SKIL: variants seen among roughly 807,000 people sequenced by gnomAD.
SKIL encodes the protein ski-like protein.
In SKIL, 20 loss-of-function variants were observed where a neutral mutation model predicts 69.6. The ratio of observed to expected loss-of-function variants is 0.29; its 90% CI spans 0.20 to 0.42. The LOEUF is 0.42. Among genes scored for constraint, SKIL ranks in the 10% least tolerant of loss-of-function variants. The pLI is 1.00. For synonymous variants in SKIL, 310 were observed against 279.9 expected (o/e 1.11, Z -1.08); for missense variants, 745 against 783.1 (o/e 0.95, Z 0.58).
At chr3:170,365,793 G>A (rs1019727872) in intron 2 of SKIL, among the ~76,000 whole-genome samples, 5 of 118,370 alleles carry the variant, frequency 4.2e-5, no homozygotes, top group Admixed American at 1.1e-4. Flanking sequence ...TTTCGCTCTT[G>A]CGCCCAGGCT....
At position 170,384,779 on chromosome 3, in the gene SKIL, G is replaced by A. The variant is rs764624982; in HGVS notation, c.1429+14G>A. The A allele has an allele frequency of 3.8e-6, 5 of 1,317,046 alleles. No homozygotes were observed. In the African/African-American group the frequency reaches 5.9e-5, roughly 16 times the overall value. The allele number at this position is 1,317,046 out of a possible 1,614,324, so 81.6% of individuals were successfully genotyped here. On this transcript the variant is annotated intron_variant, in intron 4 of 6. Transcript: ENST00000259119. Reference sequence around the variant, plus strand: ...GTAGCCGTTTAGGTAAGTATTCAGAGATTATCTTTCTAAAATTAAATATCT... The same window carrying A: ...GTAGCCGTTTAGGTAAGTATTCAGAAATTATCTTTCTAAAATTAAATATCT...
intron 2 of SKIL, among the ~76,000 whole-genome samples, chr3:170,367,390 C>T (rs1363985916): frequency 6.6e-6 from 1 of 152,058 alleles, no homozygotes; most frequent in Non-Finnish European, 1.5e-5. Flanking sequence ...AGCCACTGCG[C>T]CTGGCCGATT....
At chr3:170,364,334 T>C (rs1217341648) in intron 2 of SKIL, among the ~76,000 whole-genome samples, 3 of 56,702 alleles carry the variant, frequency 5.3e-5, no homozygotes, top group African/African-American at 1.8e-4. Flanking sequence ...TTTTTTTTTT[T>C]TTTTTTGAGA....
At chr3:170,373,265 C>G (rs769904785) in intron 2 of SKIL, among the ~76,000 whole-genome samples, 1 of 152,056 alleles carries the variant, frequency 6.6e-6, no homozygotes, top group Non-Finnish European at 1.5e-5. Flanking sequence ...CTCCTGGGTT[C>G]AAGCGATTCT....
chr3:170,378,881 ATTT>A (rs529886666), intron 2 of SKIL, among the ~76,000 whole-genome samples: 206 of 65,046 alleles, frequency 3.2e-3, no homozygotes, highest in African/African-American at 0.01. Flanking sequence ...TTATTTATTT[ATTT>A]TTTTTATCTT....
At chr3:170,366,706 C>CACACACACACTGT (rs1553852263) in intron 2 of SKIL, among the ~76,000 whole-genome samples, 9 of 150,852 alleles carry the variant, frequency 6.0e-5, no homozygotes, top group African/African-American at 2.2e-4. Flanking sequence ...GACACACACA[C>CACACACACACTGT]ACACACACAT....
intron 2 of SKIL, among the ~76,000 whole-genome samples, chr3:170,380,333 AGAGTTCTATTATTTAAAATG>A (rs1233809495): frequency 6.6e-6 from 1 of 152,168 alleles, no homozygotes; most frequent in East Asian, 1.9e-4. Flanking sequence ...ATACCTTTAT[AGAGTTCTATTATTTAAAATG>A]GATTTCTGGC....
At chr3:170,390,198 G>C (rs559149615) in intron 4 of SKIL, 25 bp from the exon 5 acceptor site, 1 of 1,552,278 alleles carries the variant, frequency 6.4e-7, no homozygotes, top group South Asian at 1.1e-5. Flanking sequence ...TTCATACTTT[G>C]TTACTTGATT....
In SKIL at chr3:170,360,769, G is replaced by T. The variant is rs1362509898; in HGVS notation, c.438G>T (p.Gln146His). 6.2e-7 allele frequency: 1 copy of T among 1,614,182 alleles called. No homozygotes were observed. The highest frequency in any genetic ancestry group is 1.1e-5 in the South Asian group (1 of 91,066). Residue 146 changes from glutamine (Q) to histidine (H), a missense_variant, in exon 2 of 7, where the codon CAG becomes CAT. By Grantham distance (24) the Gln-to-His change is conservative (BLOSUM62 0). Transcript: ENST00000259119. ...CAGATAGCTCCACAGAACTCACTCA[G>T]ACTGTGTTGGAAGGGGAATCTATTT... is the stretch of plus-strand genomic sequence containing the variant. ...IPSDSSTELT[Q>H]TVLEGESISC...
At chr3:170,376,848 A>G (rs2108208432) in intron 2 of SKIL, among the ~76,000 whole-genome samples, 1 of 152,258 alleles carries the variant, frequency 6.6e-6, no homozygotes, top group East Asian at 1.9e-4. Flanking sequence ...AGTGCTAGGT[A>G]ATATCACAGA....
chr3:170,389,109 G>A (rs1363694505), intron 4 of SKIL, among the ~76,000 whole-genome samples: 1 of 152,010 alleles, frequency 6.6e-6, no homozygotes, highest in East Asian at 1.9e-4. Context: ...CTGACCTCAG[G>A]TAATCCACCT....
chr3:170,372,552 A>T (rs923931964), intron 2 of SKIL, among the ~76,000 whole-genome samples: 3 of 152,220 alleles, frequency 2.0e-5, no homozygotes, highest in African/African-American at 7.2e-5. Context: ...GTTCTGTTTC[A>T]TTTATTGAAA....
At chr3:170,376,567 T>G (rs1020344022) in intron 2 of SKIL, among the ~76,000 whole-genome samples, 2 of 152,140 alleles carry the variant, frequency 1.3e-5, no homozygotes, top group African/African-American at 4.8e-5. Flanking sequence ...TATGTCACGT[T>G]GACTCAAGAG....
At position 170,394,114 on chromosome 3, in the gene SKIL, AATTTTTTTTTTT is replaced by A. The variant is rs1407069719; in HGVS notation, c.*1698_*1709del. On this transcript the variant is annotated 3_prime_UTR_variant, in exon 7 of 7. Transcript: ENST00000259119. ...AATATTAAAATGACATGTAGAAACA[AATTTTTTTTTTT>A]TTTTTTTTTTTTTTTTTTTTGAGAC... The A allele has an allele frequency of 4.2e-4, 55 of 131,660 alleles. No homozygotes were observed. The highest frequency in any genetic ancestry group is 1.7e-3 in the African/African-American group (55 of 32,366). The allele number at this position is 131,660 out of a possible 1,614,324, so 8.2% of individuals were successfully genotyped here. A position where few individuals can be genotyped will look rare whatever the true frequency, so the allele number is the denominator to read the frequency against.
intron 5 of SKIL, among the ~76,000 whole-genome samples, chr3:170,390,701 C>T (rs978381000): frequency 1.3e-5 from 2 of 152,042 alleles, no homozygotes; most frequent in Admixed American, 6.6e-5. Flanking sequence ...TGGCCAGGCT[C>T]GAACTTTTGA....
At chr3:170,364,284 A>G (rs1054842998) in intron 2 of SKIL, among the ~76,000 whole-genome samples, 1 of 144,212 alleles carries the variant, frequency 6.9e-6, no homozygotes, top group Non-Finnish European at 1.5e-5. Flanking sequence ...GTTGGAGGCC[A>G]CATTTGCCAG....
At chr3:170,359,250 A>T (rs1553850856) in intron 1 of SKIL, among the ~76,000 whole-genome samples, 1 of 152,256 alleles carries the variant, frequency 6.6e-6, no homozygotes, top group Non-Finnish European at 1.5e-5. Flanking sequence ...TGTTAGATTT[A>T]AAGAAATCAC....
Position 170,388,884 on chromosome 3 carries a change from T to TTATTTATTTATTTATG in SKIL, c.1430-1338_1430-1337insATTTATTTATTTATGT, listed in dbSNP as rs375843473. 1.2e-3 allele frequency among the ~76,000 whole-genome samples: 173 copies of TTATTTATTTATTTATG among 144,608 alleles called. 4 individuals are homozygous for TTATTTATTTATTTATG. The highest frequency in any genetic ancestry group is 6.9e-3 in the Middle Eastern group (2 of 288). The allele number at this position is 144,608 out of a possible 152,430, so 94.9% of individuals were successfully genotyped here. Reference sequence around the variant, plus strand: ...TGTATTTATTTATTTATTTATTTATTTTTGAGACAGAGTCTCACTCTGTTG... The same window carrying TTATTTATTTATTTATG: ...TGTATTTATTTATTTATTTATTTATTTATTTATTTATTTATGTTTGAGACAGAGTCTCACTCTGTTG... On this transcript the variant is annotated intron_variant, in intron 4 of 6. Transcript: ENST00000259119.
At chr3:170,379,938 C>G (rs142786332) in intron 2 of SKIL, among the ~76,000 whole-genome samples, 1 of 152,090 alleles carries the variant, frequency 6.6e-6, no homozygotes, top group African/African-American at 2.4e-5. Flanking sequence ...GCCACTGAAC[C>G]GAGCCCCTCT....
Sources: gnomAD v4.1 joint callset for allele counts (sites outside exome capture counted in the v4.1 genomes callset) on GRCh38, gnomAD v4.1.1 for gene constraint, MANE v1.5 for transcripts, NCBI Gene and HGNC (gene_info 2026-07-23, HGNC 2026-07-21) for gene names.